Variants in NSMCE4A observed in about 807,000 individuals in gnomAD.
The protein encoded by NSMCE4A is non-structural maintenance of chromosomes element 4 homolog A.
NSMCE4A carries 40 observed loss-of-function variants against 47.9 expected under a neutral mutation model. The observed-to-expected ratio is 0.83, with a 90% CI of 0.65 to 1.09. The LOEUF (loss-of-function observed/expected upper bound fraction) is 1.09, where lower values mean the gene tolerates loss of function less well. Ranked by LOEUF, NSMCE4A falls within the 50% of genes least tolerant of loss-of-function variation. NSMCE4A has a pLI of 0.00. For missense variants in NSMCE4A, 500 were observed against 507.0 expected (o/e 0.99, Z 0.13); for synonymous variants, 166 against 178.5 (o/e 0.93, Z 0.56).
chr10:121,975,110 G>T lies in NSMCE4A; in HGVS notation c.56C>A (p.Pro19Gln). The change falls in exon 1 of 11, where the codon CCG becomes CAG. Residue 19 changes from proline to glutamine, a missense_variant. Physicochemically the swap from Pro to Gln is moderately conservative, Grantham distance 76 (BLOSUM62 -1). Transcript: ENST00000369023. The part of the protein sequence containing the change: ...GPEGRGRGRD[P>Q]HRDRTRSRSR... The stretch of plus-strand genomic sequence containing the variant: ...GCGGGAGCGGGTGCGATCCCGATGC[G>T]GGTCGCGGCCCCGGCCCCGGCCCTC... The T allele has an allele frequency of 7.0e-7, 1 of 1,430,616 alleles. No individual in the cohort carries two copies. Among genetic ancestry groups the T allele is most frequent in the Non-Finnish European group, 9.1e-7 (1 of 1,103,450 alleles). 88.6% of individuals were successfully genotyped at this position (1,430,616 alleles called of 1,614,324 possible). A position where few individuals can be genotyped will look rare whatever the true frequency, so the allele number is the denominator to read the frequency against.
intron 2 of NSMCE4A, 131 bp downstream of exon 2, chr10:121,973,873 T>C (rs1952764676): frequency 1.5e-6 from 1 of 653,258 alleles, no homozygotes; most frequent in Admixed American, 2.8e-5. Context: ...ATTGCTATAA[T>C]GAAACGGTTC....
At chr10:121,963,164 T>G (rs918318963) in intron 6 of NSMCE4A, 74 bp downstream of exon 6, 9 of 760,858 alleles carry the variant, frequency 1.2e-5, no homozygotes, top group South Asian at 2.0e-5. Flanking sequence ...CAGCTGAAAT[T>G]GCCTTTTAAA....
Position 121,965,286 on chromosome 10 carries a change from C to A in NSMCE4A, c.753G>T (p.Gln251His). The A allele has an allele frequency of 5.0e-6, 8 of 1,601,140 alleles. No individual in the cohort carries two copies. The highest frequency in any genetic ancestry group is 6.0e-6 in the Non-Finnish European group (7 of 1,173,396). The change falls in exon 5 of 11, where the codon CAG (glutamine) becomes CAT (histidine). Residue 251 changes from glutamine to histidine, a missense_variant and splice_region_variant. Transcript: ENST00000369023. ...VIQEERAMPA[Q>H]LRRMEESHQE... is the part of the protein sequence containing the mutation. ...TTAAAAGCAACATTTTAAAACAAACCTGGGCAGGCATTGCCCTCTCCTCTT... is the reference window on the plus strand; with the variant it reads ...TTAAAAGCAACATTTTAAAACAAACATGGGCAGGCATTGCCCTCTCCTCTT...
chr10:121,961,399 T>C, intron 7 of NSMCE4A, 24 bp downstream of exon 7: 5 of 1,485,846 alleles, frequency 3.4e-6, no homozygotes, highest in Non-Finnish European at 4.6e-6. Context: ...TAAAAGCAAT[T>C]AGAAAAATAA....
At chr10:121,971,190 A>C in intron 2 of NSMCE4A, 121 bp from the exon 3 acceptor site, 4 of 828,716 alleles carry the variant, frequency 4.8e-6, no homozygotes, top group African/African-American at 1.7e-5. Context: ...AAAAAATCTC[A>C]ATAGGCAACT....
At chr10:121,957,677 G>T (rs117109170) in intron 10 of NSMCE4A, among the ~76,000 whole-genome samples, 1 of 151,608 alleles carries the variant, frequency 6.6e-6, no homozygotes, top group African/African-American at 2.4e-5. Flanking sequence ...GTCGTGGTCC[G>T]CCTGCCTCGC....
intron 5 of NSMCE4A, among the ~76,000 whole-genome samples, chr10:121,964,187 G>C (rs1398416900): frequency 1.4e-5 from 2 of 144,662 alleles, no homozygotes; most frequent in Non-Finnish European, 3.0e-5. Context: ...CTGTGGCCCA[G>C]GCTGGAGTGC....
chr10:121,964,441 C>T (rs929602551), intron 5 of NSMCE4A, among the ~76,000 whole-genome samples: 2 of 135,976 alleles, frequency 1.5e-5, no homozygotes, highest in South Asian at 2.4e-4. Context: ...CCACCACACT[C>T]GGGCAACCTT....
At chr10:121,973,708 AAC>A (rs1437072823) in intron 2 of NSMCE4A, among the ~76,000 whole-genome samples, 1 of 152,224 alleles carries the variant, frequency 6.6e-6, no homozygotes, top group East Asian at 1.9e-4. Flanking sequence ...TACGGCAGTA[AAC>A]ACAAGAAAAA....
intron 1 of NSMCE4A, chr10:121,974,500 C>A: frequency 2.3e-6 from 1 of 437,412 alleles, no homozygotes. Context: ...CGTGCCGCTG[C>A]AGCTGCAGCT....
At chr10:121,959,653 T>C in intron 8 of NSMCE4A, 58 bp from the exon 9 acceptor site, 1 of 1,166,962 alleles carries the variant, frequency 8.6e-7, no homozygotes. Flanking sequence ...GAACAGGTAA[T>C]CTAAACGGAA....
intron 1 of NSMCE4A, chr10:121,974,501 AG>A: frequency 2.5e-5 from 11 of 437,552 alleles, no homozygotes; most frequent in Non-Finnish European, 3.3e-5. Flanking sequence ...GTGCCGCTGC[AG>A]CTGCAGCTGC....
intron 2 of NSMCE4A, 84 bp downstream of exon 2, chr10:121,973,920 G>A: frequency 1.1e-6 from 1 of 936,418 alleles, no homozygotes; most frequent in Non-Finnish European, 1.7e-6. Flanking sequence ...TGTGGGAATT[G>A]TTTTATGTCA....
intron 2 of NSMCE4A, among the ~76,000 whole-genome samples, chr10:121,971,402 T>C (rs1046550931): frequency 2.0e-5 from 3 of 152,004 alleles, no homozygotes; most frequent in Admixed American, 2.0e-4. Flanking sequence ...CCCAGCTACT[T>C]GGGAGGCTGA....
chr10:121,963,027 T>G (rs1952530355), intron 6 of NSMCE4A, among the ~76,000 whole-genome samples: 1 of 152,254 alleles, frequency 6.6e-6, no homozygotes, highest in Non-Finnish European at 1.5e-5. Context: ...TTTCATTTTG[T>G]AACAAAAAAA....
intron 2 of NSMCE4A, among the ~76,000 whole-genome samples, chr10:121,971,405 G>A (rs1952708620): frequency 6.6e-6 from 1 of 152,146 alleles, no homozygotes; most frequent in African/African-American, 2.4e-5. Context: ...AGCTACTTGG[G>A]AGGCTGAGGC....
At chr10:121,969,984 G>C (rs1306859321) in intron 3 of NSMCE4A, among the ~76,000 whole-genome samples, 2 of 152,130 alleles carry the variant, frequency 1.3e-5, no homozygotes, top group Non-Finnish European at 2.9e-5. Flanking sequence ...CCAAAGTGCT[G>C]GGATTACAGG....
intron 1 of NSMCE4A, chr10:121,974,350 C>G: frequency 8.1e-7 from 1 of 1,234,396 alleles, no homozygotes; most frequent in Non-Finnish European, 1.0e-6. Flanking sequence ...CTGAGTGCTC[C>G]ATAACTGAGT....
chr10:121,962,249 T>C, intron 6 of NSMCE4A: 1 of 196,020 alleles, frequency 5.1e-6, no homozygotes, highest in Non-Finnish European at 1.1e-5. Context: ...AAACCCAGGT[T>C]CTACTAAAAG....
Sources: allele counts gnomAD v4.1 joint callset (sites outside exome capture counted in the v4.1 genomes callset), GRCh38; gene constraint gnomAD v4.1.1; transcripts MANE v1.5; gene names NCBI Gene and HGNC (gene_info 2026-07-23, HGNC 2026-07-21).